Variants in POP4 observed in about 807,000 individuals in gnomAD.
POP4 encodes ribonuclease P protein subunit p29.
Under a neutral mutation model 29.9 loss-of-function variants are expected in POP4, and 31 were observed. That is an observed-to-expected ratio of 1.04 (90% confidence interval 0.78 to 1.40). The LOEUF (loss-of-function observed/expected upper bound fraction) is 1.40, where lower values mean the gene tolerates loss of function less well. POP4 is among the 40% of genes most tolerant of loss of function. The pLI, the probability that POP4 is intolerant of heterozygous loss-of-function variation, is 0.00. For missense variants in POP4, 286 were observed against 282.7 expected, an observed-to-expected ratio of 1.01 and a Z score of -0.08; for synonymous variants, 110 against 108.2, an observed-to-expected ratio of 1.02 and a Z score of -0.10.
chr19:29,611,544 G>A (rs923561131), intron 3 of POP4: 4 of 274,314 alleles, frequency 1.5e-5, no homozygotes, highest in Non-Finnish European at 7.0e-6. Context: ...GGCTTACTAG[G>A]TTCAATTTCA....
intron 2 of POP4, 94 bp downstream of exon 2, chr19:29,608,803 T>G (rs1322901482): frequency 8.5e-7 from 1 of 1,181,684 alleles, no homozygotes; most frequent in Non-Finnish European, 1.3e-6. Context: ...AGATGTCCTT[T>G]CCCACATCAT....
chr19:29,610,879 C>T, intron 3 of POP4: 1 of 519,556 alleles, frequency 1.9e-6, no homozygotes, highest in Non-Finnish European at 3.5e-6. Context: ...ACATCTGTTG[C>T]CCATGGCAAC....
At chr19:29,609,745 TC>T (rs1329399467) in intron 2 of POP4, among the ~76,000 whole-genome samples, 1 of 152,240 alleles carries the variant, frequency 6.6e-6, no homozygotes, top group Non-Finnish European at 1.5e-5. Context: ...CGCCCTGCTC[TC>T]AGTGACACCC....
At position 29,616,867 on chromosome 19, in the gene POP4, G is replaced by T. The variant is rs1971137893; in HGVS notation, c.*1487G>T. On this transcript the variant is annotated 3_prime_UTR_variant, in exon 7 of 7. Coordinates refer to ENST00000585603, the MANE Select transcript of POP4 (RefSeq NM_006627.3). ...GGCCCCGGCCCAGCGACTGCCTTGT[G>T]GTGTGGCCGTCCTCATCTGCCACAG... The T allele has an allele frequency of 6.6e-6, 1 of 152,322 alleles. No individual in the cohort carries two copies. Among genetic ancestry groups the T allele is most frequent in the Non-Finnish European group, 1.5e-5 (1 of 68,136 alleles). 9.4% of individuals were successfully genotyped at this position (152,322 alleles called of 1,614,324 possible). A position where few individuals can be genotyped will look rare whatever the true frequency, so the allele number is the denominator to read the frequency against.
At chr19:29,611,060 T>C (rs2145557121) in intron 3 of POP4, 1 of 179,518 alleles carries the variant, frequency 5.6e-6, no homozygotes, top group African/African-American at 2.4e-5. Flanking sequence ...TGCATCACTG[T>C]CCTGTCCTGT....
rs1196317823 is a variant in POP4 at position 29,610,505 on chromosome 19, C to T, written c.157C>T (p.Arg53Cys). The change falls in exon 3 of 7, where the codon CGC becomes TGC. Residue 53 changes from arginine (R) to cysteine (C), a missense_variant. By Grantham distance (180) the Arg-to-Cys change is radical. Coordinates refer to ENST00000585603, the MANE Select transcript of POP4 (RefSeq NM_006627.3). ...SPQAREDQLQ[R>C]KAVVLEYFTR... ...GCAGGCCCGCGAGGACCAGCTGCAG[C>T]GCAAGGCGGTGGTCCTGGAGTACTT... The T allele has an allele frequency of 2.5e-6, 4 of 1,612,136 alleles. No homozygotes were observed. Among genetic ancestry groups the T allele is most frequent in the East Asian group, 2.2e-5 (1 of 44,854 alleles).
intron 5 of POP4, among the ~76,000 whole-genome samples, chr19:29,613,506 G>A (rs1971095576): frequency 6.6e-6 from 1 of 152,234 alleles, no homozygotes; most frequent in Admixed American, 6.5e-5. Flanking sequence ...GTGCATGGTG[G>A]TGTTTGTGCA....
At chr19:29,612,883 A>G (rs992285719) in intron 5 of POP4, among the ~76,000 whole-genome samples, 1 of 152,224 alleles carries the variant, frequency 6.6e-6, no homozygotes, top group Non-Finnish European at 1.5e-5. Context: ...AGGCAGCCAG[A>G]GTGCCGGTTA....
chr19:29,606,565 G>A, intron 1 of POP4: 1 of 456,258 alleles, frequency 2.2e-6, no homozygotes. Context: ...CTGCTCAGTG[G>A]TGTGCGATGC....
intron 1 of POP4, 111 bp from the exon 2 acceptor site, chr19:29,608,546 A>T (rs374309342): frequency 2.8e-5 from 30 of 1,065,844 alleles, no homozygotes; most frequent in Middle Eastern, 2.0e-4. Context: ...CTAGGACTAC[A>T]GGTATGAGCC....
Position 29,610,613 on chromosome 19 carries a change from A to G in POP4, c.265A>G (p.Ile89Val), listed in dbSNP as rs778554784. Reference sequence around the variant, plus strand: ...AAGGAGGGAGCTGCGGCTCTTTGACATTAAACCAGAGCAGCAGAGGTAACC... The same window carrying G: ...AAGGAGGGAGCTGCGGCTCTTTGACGTTAAACCAGAGCAGCAGAGGTAACC... ...RQRRELRLFD[I>V]KPEQQRYSLF... is the part of the protein sequence containing the mutation. The change falls in exon 3 of 7, where the codon ATT becomes GTT. Residue 89 changes from isoleucine (I) to valine (V), a missense_variant. By Grantham distance (29) the Ile-to-Val change is conservative. Transcript: ENST00000585603. 39 of 1,613,904 alleles carry G rather than the reference A, an allele frequency of 2.4e-5. No individual in the cohort carries two copies. The highest frequency in any genetic ancestry group is 1.5e-4 in the Admixed American group (9 of 60,004).
rs565176404 is a variant in POP4, at chr19:29,610,619, C to G, written c.271C>G (p.Pro91Ala). Residue 91 changes from proline (P) to alanine (A), a missense_variant, in exon 3 of 7, where the codon CCA becomes GCA. Transcript: ENST00000585603. Reference protein sequence around the residue: ...RRELRLFDIKPEQQRYSLFLP... With the variant: ...RRELRLFDIKAEQQRYSLFLP... ...GGAGCTGCGGCTCTTTGACATTAAACCAGAGCAGCAGAGGTAACCCGAGCT... is the reference window on the plus strand; with the variant it reads ...GGAGCTGCGGCTCTTTGACATTAAAGCAGAGCAGCAGAGGTAACCCGAGCT... 6.2e-7 allele frequency: 1 copy of G among 1,613,838 alleles called. No individual in the cohort carries two copies. The highest frequency in any genetic ancestry group is 1.7e-5 in the Admixed American group (1 of 60,002).
rs750848621 is a variant in POP4 at position 29,610,536 on chromosome 19, G to T, written c.188G>T (p.Arg63Leu). ...GCGGTGGTCCTGGAGTACTTCACCC[G>T]CCACAAGCGCAAGGAGAAGAAGAAG... ...RKAVVLEYFT[R>L]HKRKEKKKKA... is the part of the protein sequence containing the mutation. Residue 63 changes from arginine (R) to leucine (L), a missense_variant, in exon 3 of 7, where the codon CGC (arginine) becomes CTC (leucine). Transcript: ENST00000585603. The T allele has an allele frequency of 1.2e-6, 2 of 1,614,042 alleles. No individual in the cohort carries two copies. The highest frequency in any genetic ancestry group is 8.5e-7 in the Non-Finnish European group (1 of 1,180,020).
At chr19:29,608,467 A>G (rs959372246) in intron 1 of POP4, among the ~76,000 whole-genome samples, 190 bp from the exon 2 acceptor site, 2 of 151,686 alleles carry the variant, frequency 1.3e-5, no homozygotes, top group Non-Finnish European at 2.9e-5. Context: ...GGGTTTCACC[A>G]TGTTGGCCAG....
chr19:29,610,341 G>T, intron 2 of POP4, 68 bp from the exon 3 acceptor site: 1 of 1,399,118 alleles, frequency 7.1e-7, no homozygotes, highest in Non-Finnish European at 9.5e-7. Context: ...AATGGCGGGC[G>T]GGATGCCTGG....
chr19:29,614,228 A>G lies in POP4; in HGVS notation c.526+256A>G, dbSNP rs572076608. Among the ~76,000 whole-genome samples, 8 of 152,348 alleles carry G rather than the reference A, an allele frequency of 5.3e-5. No homozygotes were observed. In the South Asian group the frequency reaches 1.7e-3, roughly 32 times the overall value. On this transcript the variant is annotated intron_variant, in intron 6 of 6. Coordinates refer to ENST00000585603, the MANE Select transcript of POP4 (RefSeq NM_006627.3). ...AGGAAGACCTGCTCGGCTGTGCCTC[A>G]GGGGACCTGGGTCTGTTTAGGCCCC...
At chr19:29,610,310 G>T in intron 2 of POP4, 99 bp from the exon 3 acceptor site, 1 of 1,123,074 alleles carries the variant, frequency 8.9e-7, no homozygotes, top group Non-Finnish European at 1.2e-6. Flanking sequence ...GGCCCCATTT[G>T]CTCTTGCAGT....
chr19:29,606,558 C>T, intron 1 of POP4: 1 of 478,812 alleles, frequency 2.1e-6, no homozygotes, highest in Non-Finnish European at 3.7e-6. Flanking sequence ...CCGGAGGCTG[C>T]TCAGTGGTGT....
chr19:29,617,033 GA>G lies in POP4; in HGVS notation c.*1654del, dbSNP rs1347671868. The G allele has an allele frequency of 6.6e-6, 1 of 152,198 alleles. No homozygotes were observed. Among genetic ancestry groups the G allele is most frequent in the Admixed American group, 6.5e-5 (1 of 15,278 alleles). The allele number at this position is 152,198 out of a possible 1,614,324, so 9.4% of individuals were successfully genotyped here. On this transcript the variant is annotated 3_prime_UTR_variant, in exon 7 of 7. Transcript: ENST00000585603. ...GAGACGGATGCAGTTCAAAGTGCAG[GA>G]TGTGCTGCCTTTATTACCTGCTTTC...
Sources: allele counts gnomAD v4.1 joint callset (sites outside exome capture counted in the v4.1 genomes callset), GRCh38; gene constraint gnomAD v4.1.1; transcripts MANE v1.5; gene names NCBI Gene and HGNC (gene_info 2026-07-23, HGNC 2026-07-21).